RYR3: variants seen among roughly 807,000 people sequenced by gnomAD.
The protein encoded by RYR3 is ryanodine receptor 3, also known as brain ryanodine receptor-calcium release channel.
A neutral mutation model predicts 584.3 loss-of-function variants in RYR3; 207 were observed. That is an observed-to-expected ratio of 0.35 (90% CI 0.32 to 0.40). The LOEUF (loss-of-function observed/expected upper bound fraction) is 0.40, where lower values mean the gene tolerates loss of function less well. Among genes scored for constraint, RYR3 ranks in the 10% least tolerant of loss-of-function variants. The pLI is 1.00. For synonymous variants in RYR3, 2,416 were observed against 2,248.5 expected (o/e 1.07, Z -2.11); for missense variants, 5,616 against 6,089.2 (o/e 0.92, Z 2.59).
Position 33,646,508 on chromosome 15 carries a change from G to T in RYR3, c.3923G>T (p.Ser1308Ile). The T allele has an allele frequency of 6.2e-7, 1 of 1,611,634 alleles. No homozygotes were observed. Among genetic ancestry groups the T allele is most frequent in the African/African-American group, 1.3e-5 (1 of 74,994 alleles). Residue 1308 changes from serine (S) to isoleucine (I), a missense_variant, in exon 29 of 104, where the codon AGT becomes ATT. This residue lies in a region of RYR3 where 753 missense variants were observed against 741.0 expected (regional missense o/e 1.02). Transcript: ENST00000634891. ...TTCAGCCACAGCCCCTGTCTGGACA[G>T]TGAAGCTTTCCAGAAAAGGTGAGGG... ...SSFSHSPCLDSEAFQKRKQMQ... is the reference protein window; with the variant it reads ...SSFSHSPCLDIEAFQKRKQMQ...
At chr15:33,590,604 A>C (rs568975268) in intron 16 of RYR3, among the ~76,000 whole-genome samples, 6 of 147,284 alleles carry the variant, frequency 4.1e-5, no homozygotes, top group African/African-American at 1.0e-4. Context: ...TTTTTTTTAG[A>C]GGTCTTTCAC....
intron 32 of RYR3, among the ~76,000 whole-genome samples, chr15:33,658,360 C>T (rs552306197): frequency 1.3e-5 from 2 of 152,340 alleles, no homozygotes; most frequent in African/African-American, 2.4e-5. Context: ...TCTCGTAAGC[C>T]TTCTAACAGT....
At chr15:33,349,106 C>CTTTTTTT (rs749996197) in intron 1 of RYR3, among the ~76,000 whole-genome samples, 2 of 113,556 alleles carry the variant, frequency 1.8e-5, no homozygotes, top group Admixed American at 8.9e-5. Flanking sequence ...TAGCTTGTGC[C>CTTTTTTT]TTTTTTTTTT....
Position 33,725,166 on chromosome 15 carries a change from C to A in RYR3, c.6912+990C>A, listed in dbSNP as rs1271437283. ...TGCTCCAACACCTTACACACACACA[C>A]ACACACACACACACACACACACACA... On this transcript the variant is annotated intron_variant, in intron 45 of 103. Transcript: ENST00000634891. 8.0e-5 allele frequency among the ~76,000 whole-genome samples: 10 copies of A among 124,410 alleles called. No individual in the cohort carries two copies. The Admixed American group carries it at 8.1e-4, about 10-fold the overall frequency. 81.6% of individuals were successfully genotyped at this position (124,410 alleles called of 152,430 possible).
At chr15:33,330,174 C>T (rs1970210822) in intron 1 of RYR3, among the ~76,000 whole-genome samples, 1 of 152,130 alleles carries the variant, frequency 6.6e-6, no homozygotes, top group African/African-American at 2.4e-5. Flanking sequence ...TGCTTGTTGG[C>T]TTCAATTTTA....
intron 1 of RYR3, among the ~76,000 whole-genome samples, chr15:33,465,403 C>T (rs1211262988): frequency 6.6e-6 from 1 of 152,116 alleles, no homozygotes; most frequent in Non-Finnish European, 1.5e-5. Context: ...TTTCCAGTCC[C>T]ACCCAGGGAA....
Position 33,731,457 on chromosome 15 carries a change from C to T in RYR3, c.7204-17C>T. ...TCCTCAGGGCAATTAACCTGTGTCC[C>T]AATCTTCTTTCTCTAGGTTTCCCTA... On this transcript the variant is annotated splice_polypyrimidine_tract_variant and intron_variant, in intron 47 of 103. Coordinates refer to ENST00000634891, the MANE Select transcript of RYR3 (RefSeq NM_001036.6). 6.3e-7 allele frequency: 1 copy of T among 1,584,318 alleles called. No homozygotes were observed. Among genetic ancestry groups the T allele is most frequent in the Non-Finnish European group, 8.6e-7 (1 of 1,159,744 alleles).
intron 1 of RYR3, among the ~76,000 whole-genome samples, chr15:33,419,692 C>T (rs149908717): frequency 3.3e-5 from 5 of 152,188 alleles, no homozygotes; most frequent in African/African-American, 9.6e-5. Flanking sequence ...ACTTTGCATT[C>T]GTTTGGATTA....
intron 48 of RYR3, among the ~76,000 whole-genome samples, chr15:33,735,739 AC>A (rs2152828707): frequency 6.6e-6 from 1 of 152,300 alleles, no homozygotes; most frequent in South Asian, 2.1e-4. Context: ...ACAAAGCCTT[AC>A]CCCAAACAAA....
At chr15:33,631,098 C>T (rs1595895592) in intron 22 of RYR3, 112 bp from the exon 23 acceptor site, 1 of 653,588 alleles carries the variant, frequency 1.5e-6, no homozygotes, top group East Asian at 2.8e-5. Context: ...GTCTACTGAC[C>T]CCTGGGCTAA....
At chr15:33,794,454 A>T (rs1186207582) in intron 67 of RYR3, among the ~76,000 whole-genome samples, 2 of 150,250 alleles carry the variant, frequency 1.3e-5, no homozygotes, top group African/African-American at 4.9e-5. Flanking sequence ...CATTTTAGTC[A>T]TTTCCCATAT....
At chr15:33,585,770 G>T (rs1035359216) in intron 15 of RYR3, among the ~76,000 whole-genome samples, 1 of 152,214 alleles carries the variant, frequency 6.6e-6, no homozygotes, top group African/African-American at 2.4e-5. Context: ...GATAGGGTTT[G>T]TGCCGAATTA....
intron 38 of RYR3, among the ~76,000 whole-genome samples, chr15:33,672,134 CAG>C (rs2063885090): frequency 6.6e-6 from 1 of 152,084 alleles, no homozygotes; most frequent in Non-Finnish European, 1.5e-5. Context: ...TTCTTTTTAA[CAG>C]AGAGTTTGTC....
At chr15:33,673,960 T>G (rs1312088612) in intron 38 of RYR3, among the ~76,000 whole-genome samples, 1 of 152,224 alleles carries the variant, frequency 6.6e-6, no homozygotes, top group Admixed American at 6.5e-5. Flanking sequence ...CCTGTGCTGT[T>G]TGCCACAGAA....
chr15:33,507,426 GGATCACTTTACCT>G (rs775417091), intron 3 of RYR3, among the ~76,000 whole-genome samples: 2 of 152,104 alleles, frequency 1.3e-5, no homozygotes, highest in Non-Finnish European at 2.9e-5. Flanking sequence ...GCTCCTCCTT[GGATCACTTTACCT>G]CTGATCTAAT....
chr15:33,749,547 T>A (rs1278406526), intron 55 of RYR3, among the ~76,000 whole-genome samples: 3 of 152,224 alleles, frequency 2.0e-5, no homozygotes, highest in African/African-American at 7.2e-5. Context: ...TTTACAGCAC[T>A]TTCCTTTAAG....
chr15:33,751,473 C>T (rs1345766969), intron 57 of RYR3, among the ~76,000 whole-genome samples: 1 of 152,140 alleles, frequency 6.6e-6, no homozygotes, highest in African/African-American at 2.4e-5. Flanking sequence ...ATTTGCATTT[C>T]TCTAATGACC....
At chr15:33,437,377 T>C (rs992022655) in intron 1 of RYR3, among the ~76,000 whole-genome samples, 1 of 152,234 alleles carries the variant, frequency 6.6e-6, no homozygotes, top group South Asian at 2.1e-4. Context: ...TCCAAGGTTT[T>C]ATATTTGTGT....
At chr15:33,458,364 C>T (rs979466566) in intron 1 of RYR3, among the ~76,000 whole-genome samples, 2 of 152,104 alleles carry the variant, frequency 1.3e-5, no homozygotes, top group Non-Finnish European at 2.9e-5. Flanking sequence ...TTTTGTCTGC[C>T]CTTGGACCTT....
Sources: allele counts gnomAD v4.1 joint callset (sites outside exome capture counted in the v4.1 genomes callset), GRCh38; gene constraint gnomAD v4.1.1; regional missense constraint gnomAD v4.1.1; transcripts MANE v1.5; gene names NCBI Gene and HGNC (gene_info 2026-07-23, HGNC 2026-07-21).